HMCN1: variants seen among roughly 807,000 people sequenced by gnomAD.
HMCN1 encodes the protein hemicentin-1.
A neutral mutation model predicts 625.9 loss-of-function variants in HMCN1; 321 were observed. That is an observed-to-expected ratio of 0.51 (90% CI 0.47 to 0.56). The LOEUF is 0.56. HMCN1 is among the 20% of genes least tolerant of loss of function. The pLI is 0.00. For missense variants in HMCN1, 6,588 were observed against 6,887.3 expected, an observed-to-expected ratio of 0.96 and a Z score of 1.54; for synonymous variants, 2,425 against 2,417.6, an observed-to-expected ratio of 1.00 and a Z score of -0.09.
At chr1:185,946,867 A>G (rs1668374352) in intron 11 of HMCN1, among the ~76,000 whole-genome samples, 1 of 152,222 alleles carries the variant, frequency 6.6e-6, no homozygotes, top group African/African-American at 2.4e-5. Context: ...CATCCTTACA[A>G]CCTATACTGG....
At chr1:186,080,869 T>C (rs1659130189) in intron 55 of HMCN1, among the ~76,000 whole-genome samples, 3 of 152,160 alleles carry the variant, frequency 2.0e-5, no homozygotes, top group Admixed American at 1.3e-4. Context: ...ATGCTTCTTA[T>C]ATGTCTGCTT....
At chr1:185,861,452 G>T (rs1443930835) in intron 2 of HMCN1, among the ~76,000 whole-genome samples, 1 of 152,114 alleles carries the variant, frequency 6.6e-6, no homozygotes, top group Admixed American at 6.5e-5. Flanking sequence ...ATTATATTGT[G>T]GTTCACACTC....
At chr1:185,928,791 C>T in intron 10 of HMCN1, 124 bp downstream of exon 10, 1 of 1,080,054 alleles carries the variant, frequency 9.3e-7, no homozygotes, top group South Asian at 1.3e-5. Flanking sequence ...GTCTATCTCT[C>T]CACTGAATTG....
At chr1:186,087,377 A>G (rs1214422833) in intron 59 of HMCN1, 47 bp downstream of exon 59, 7 of 1,596,378 alleles carry the variant, frequency 4.4e-6, no homozygotes, top group Non-Finnish European at 6.0e-6. Context: ...TAAAACTGGT[A>G]TTCAATATTT....
intron 11 of HMCN1, among the ~76,000 whole-genome samples, chr1:185,952,802 G>C (rs1485641824): frequency 2.6e-5 from 4 of 151,660 alleles, no homozygotes; most frequent in Non-Finnish European, 5.9e-5. Context: ...CAAGCCTAGA[G>C]AAAAAGAGTA....
At chr1:186,176,302 A>G (rs2102648941) in intron 103 of HMCN1, among the ~76,000 whole-genome samples, 1 of 152,360 alleles carries the variant, frequency 6.6e-6, no homozygotes, top group African/African-American at 2.4e-5. Flanking sequence ...ATAAAATTTT[A>G]AAGTCTGTAG....
chr1:186,058,129 A>G (rs1657462992), intron 46 of HMCN1, among the ~76,000 whole-genome samples: 1 of 152,014 alleles, frequency 6.6e-6, no homozygotes, highest in Admixed American at 6.6e-5. Context: ...TAAAGCTAAC[A>G]AGATGAAGGT....
At position 186,187,897 on chromosome 1, in the gene HMCN1, C is replaced by T. The variant is rs1558292988; in HGVS notation, c.16429C>T (p.Leu5477=). 1 of 1,613,736 alleles carries T rather than the reference C, an allele frequency of 6.2e-7. No individual in the cohort carries two copies. Among genetic ancestry groups the T allele is most frequent in the Non-Finnish European group, 8.5e-7 (1 of 1,179,740 alleles). ...GCTGTCCCTAGATATCGATGAATGTCTGGAGCAGAATGTGCACTGTGGACC... is the reference window on the plus strand; with the variant it reads ...GCTGTCCCTAGATATCGATGAATGTTTGGAGCAGAATGTGCACTGTGGACC... The part of the protein sequence containing the change: ...GKTCQDIDEC[L]EQNVHCGPNR... Residue 5477 remains leucine (L), a synonymous_variant, in exon 106 of 107, where the codon CTG becomes TTG. Coordinates refer to ENST00000271588, the MANE Select transcript of HMCN1 (RefSeq NM_031935.3).
chr1:185,757,088 C>T (rs1178389679), intron 1 of HMCN1, among the ~76,000 whole-genome samples: 2 of 152,166 alleles, frequency 1.3e-5, no homozygotes. Flanking sequence ...GATTCTCCTG[C>T]CTCAGCCTCC....
intron 1 of HMCN1, among the ~76,000 whole-genome samples, chr1:185,824,925 C>T (rs1660418848): frequency 6.6e-6 from 1 of 151,996 alleles, no homozygotes; most frequent in Admixed American, 6.6e-5. Context: ...CTAAGGTTAA[C>T]TCTATTATTG....
intron 70 of HMCN1, 45 bp downstream of exon 70, chr1:186,107,010 A>G: frequency 1.7e-6 from 2 of 1,146,496 alleles, no homozygotes; most frequent in Middle Eastern, 1.9e-4. Flanking sequence ...CACACACCTA[A>G]TTAGAAAACC....
chr1:185,885,897 A>G (rs1054162059), intron 4 of HMCN1, among the ~76,000 whole-genome samples: 3 of 152,034 alleles, frequency 2.0e-5, no homozygotes, highest in African/African-American at 7.2e-5. Flanking sequence ...GGCTCAAAGG[A>G]ATGATTCCAT....
intron 64 of HMCN1, 95 bp from the exon 65 acceptor site, chr1:186,093,039 C>G (rs1659927287): frequency 6.5e-7 from 1 of 1,539,468 alleles, no homozygotes; most frequent in Non-Finnish European, 9.0e-7. Flanking sequence ...TTGAATTTTC[C>G]ATCACTTTCA....
rs148501154 is a variant in HMCN1 at position 186,155,708 on chromosome 1, C to T, written c.15256+1721C>T. On this transcript the variant is annotated intron_variant, in intron 97 of 106. Transcript: ENST00000271588. Reference sequence around the variant, plus strand: ...ACTGTATGACCTTTAAGGCCCCTTACTATCCTTAGACACTGTGATTCTATG... The same window carrying T: ...ACTGTATGACCTTTAAGGCCCCTTATTATCCTTAGACACTGTGATTCTATG... Among the ~76,000 whole-genome samples the T allele has an allele frequency of 1.1e-3, 172 of 152,298 alleles. 1 individual carries two copies. Among genetic ancestry groups the T allele is most frequent in the African/African-American group, 3.8e-3 (159 of 41,564 alleles).
chr1:185,931,823 C>A (rs1000648179), intron 10 of HMCN1, among the ~76,000 whole-genome samples: 2 of 152,072 alleles, frequency 1.3e-5, no homozygotes, highest in Admixed American at 1.3e-4. Context: ...GATCTGAGAG[C>A]TAGAAGGAGT....
intron 1 of HMCN1, among the ~76,000 whole-genome samples, chr1:185,788,904 A>G (rs1326102146): frequency 6.6e-6 from 1 of 152,182 alleles, no homozygotes; most frequent in Non-Finnish European, 1.5e-5. Flanking sequence ...TCTAATACCT[A>G]TGTAATAAAG....
intron 2 of HMCN1, among the ~76,000 whole-genome samples, chr1:185,851,579 G>A (rs1458402715): frequency 6.6e-6 from 1 of 152,094 alleles, no homozygotes; most frequent in Non-Finnish European, 1.5e-5. Flanking sequence ...AAGAAGGAAA[G>A]ACAAATGACA....
At chr1:185,880,772 CAGA>C (rs1211562395) in intron 4 of HMCN1, among the ~76,000 whole-genome samples, 1 of 152,156 alleles carries the variant, frequency 6.6e-6, no homozygotes, top group African/African-American at 2.4e-5. Context: ...GGATTTGGAC[CAGA>C]AGAGTCTGGA....
rs1558212988 is a variant in HMCN1, at chr1:186,088,234, C to G, written c.9535C>G (p.Pro3179Ala). The change falls in exon 62 of 107, where the codon CCA becomes GCA. Residue 3179 changes from proline (P) to alanine (A), a missense_variant. By Grantham distance (27) the Pro-to-Ala change is conservative. This residue lies in a region of HMCN1 where 4,628 missense variants were observed against 4,853.1 expected (regional missense o/e 0.95). Coordinates refer to ENST00000271588, the MANE Select transcript of HMCN1 (RefSeq NM_031935.3). ...VTLTCDATGI[P>A]PPTIAWLKNH... ...ATTAACATGTGATGCCACTGGGATCCCACCTCCCACGATAGCATGGTTAAA... is the reference window on the plus strand; with the variant it reads ...ATTAACATGTGATGCCACTGGGATCGCACCTCCCACGATAGCATGGTTAAA... 1.9e-6 allele frequency: 3 copies of G among 1,612,688 alleles called. No homozygotes were observed. The African/African-American group carries it at 4.0e-5, about 22-fold the overall frequency.
Sources: gnomAD v4.1 joint callset for allele counts (sites outside exome capture counted in the v4.1 genomes callset) on GRCh38, gnomAD v4.1.1 for gene constraint, gnomAD v4.1.1 regional missense constraint, MANE v1.5 for transcripts, NCBI Gene and HGNC (gene_info 2026-07-23, HGNC 2026-07-21) for gene names.